PDSS2: variants seen among roughly 807,000 people sequenced by gnomAD.
The protein encoded by PDSS2 is decaprenyl diphosphate synthase subunit 2.
PDSS2 carries 31 observed loss-of-function variants against 44.5 expected under a neutral mutation model. That is an observed-to-expected ratio of 0.70 (90% CI 0.52 to 0.94). The LOEUF (loss-of-function observed/expected upper bound fraction) is 0.94, where lower values mean the gene tolerates loss of function less well. Ranked by LOEUF, PDSS2 falls within the 40% of genes least tolerant of loss-of-function variation. PDSS2 has a pLI of 0.00. For synonymous variants in PDSS2, 157 were observed against 180.3 expected (o/e 0.87, Z 1.03); for missense variants, 452 against 482.2 (o/e 0.94, Z 0.59).
chr6:107,251,676 T>C (rs1488053800), intron 3 of PDSS2, among the ~76,000 whole-genome samples: 1 of 152,230 alleles, frequency 6.6e-6, no homozygotes, highest in East Asian at 1.9e-4. Flanking sequence ...GGATTTAGTC[T>C]CTTTTGAAAG....
At chr6:107,287,274 C>T (rs1776186117) in intron 2 of PDSS2, among the ~76,000 whole-genome samples, 1 of 152,140 alleles carries the variant, frequency 6.6e-6, no homozygotes, top group South Asian at 2.1e-4. Context: ...CCAAGCTCTT[C>T]AGCTTGCCAC....
intron 1 of PDSS2, among the ~76,000 whole-genome samples, chr6:107,373,896 C>T (rs926586822): frequency 4.6e-5 from 7 of 152,140 alleles, no homozygotes; most frequent in Non-Finnish European, 1.0e-4. Context: ...CAGGGAAACA[C>T]CTCTTTTCTC....
chr6:107,164,184 T>C (rs944945539), intron 7 of PDSS2, among the ~76,000 whole-genome samples: 1 of 151,986 alleles, frequency 6.6e-6, no homozygotes, highest in Non-Finnish European at 1.5e-5. Flanking sequence ...TTTTTAATTA[T>C]ACTTTAAGTT....
chr6:107,350,869 C>A (rs1161444146), intron 1 of PDSS2, among the ~76,000 whole-genome samples: 2 of 151,690 alleles, frequency 1.3e-5, no homozygotes, highest in Non-Finnish European at 2.9e-5. Context: ...ATTATCTTTT[C>A]CCTGGGGGAA....
At position 107,274,128 on chromosome 6, in the gene PDSS2, T is replaced by G. The variant is rs982380541; in HGVS notation, c.531A>C (p.Pro177=). The G allele has an allele frequency of 2.5e-6, 4 of 1,613,608 alleles. No individual in the cohort carries two copies. In the Admixed American group the frequency reaches 5.0e-5, roughly 20 times the overall value. ...TATTTCCAAATTGCATGTCTTTCAGTGGACCATCAGATGATTGCAACTCAT... is the reference window on the plus strand; with the variant it reads ...TATTTCCAAATTGCATGTCTTTCAGGGGACCATCAGATGATTGCAACTCAT... ...NLNELQSSDG[P]LKDMQFGNKI... The change falls in exon 3 of 8, where the codon CCA becomes CCC. Residue 177 remains proline, a synonymous_variant. Transcript: ENST00000369037.
intron 1 of PDSS2, among the ~76,000 whole-genome samples, chr6:107,383,080 T>G (rs909264646): frequency 6.6e-6 from 1 of 151,496 alleles, no homozygotes; most frequent in Non-Finnish European, 1.5e-5. Flanking sequence ...GGCAGGCAGA[T>G]CATTTGAGGC....
intron 2 of PDSS2, among the ~76,000 whole-genome samples, chr6:107,321,492 T>C (rs1396283616): frequency 6.6e-6 from 1 of 152,220 alleles, no homozygotes; most frequent in Non-Finnish European, 1.5e-5. Flanking sequence ...TAGCTCTAAA[T>C]ACACCACGGC....
chr6:107,270,885 A>G (rs892004314), intron 3 of PDSS2, among the ~76,000 whole-genome samples: 3 of 152,342 alleles, frequency 2.0e-5, no homozygotes. Flanking sequence ...TGATTTACTT[A>G]CTTGAAATAC....
chr6:107,173,438 G>A (rs1771665137), intron 7 of PDSS2, among the ~76,000 whole-genome samples: 2 of 151,610 alleles, frequency 1.3e-5, no homozygotes, highest in South Asian at 4.2e-4. Flanking sequence ...GTTGGGCGTG[G>A]TGGTGCACAC....
intron 2 of PDSS2, among the ~76,000 whole-genome samples, chr6:107,276,468 G>A (rs1166407024): frequency 1.3e-5 from 2 of 152,174 alleles, no homozygotes; most frequent in African/African-American, 2.4e-5. Context: ...CCTGACTGAA[G>A]AGGGGCTGCA....
chr6:107,365,313 T>C (rs1778930788), intron 1 of PDSS2, among the ~76,000 whole-genome samples: 1 of 152,080 alleles, frequency 6.6e-6, no homozygotes, highest in Non-Finnish European at 1.5e-5. Flanking sequence ...CAGACTGTGA[T>C]AAATTAAGAT....
At chr6:107,367,710 C>T (rs192513300) in intron 1 of PDSS2, among the ~76,000 whole-genome samples, 628 of 147,316 alleles carry the variant, frequency 4.3e-3, no homozygotes, top group Non-Finnish European at 7.2e-3. Context: ...CGCTTGAACC[C>T]GGGAGGCGGA....
chr6:107,214,557 C>G (rs148095498), intron 4 of PDSS2, among the ~76,000 whole-genome samples: 6 of 152,056 alleles, frequency 3.9e-5, no homozygotes, highest in Non-Finnish European at 7.4e-5. Context: ...TTATTTGAAA[C>G]GTCAAACTAA....
chr6:107,272,125 C>T (rs1775623499), intron 3 of PDSS2, among the ~76,000 whole-genome samples: 1 of 151,336 alleles, frequency 6.6e-6, no homozygotes, highest in Admixed American at 6.6e-5. Context: ...GAACTCTCTC[C>T]ACTGTGTAAG....
At chr6:107,230,106 G>T in intron 4 of PDSS2, 1 of 159,976 alleles carries the variant, frequency 6.3e-6, no homozygotes, top group South Asian at 1.6e-4. Flanking sequence ...AAGTCAGTCA[G>T]GGAGACTGCA....
chr6:107,397,096 G>A (rs1401708257), intron 1 of PDSS2, among the ~76,000 whole-genome samples: 1 of 152,052 alleles, frequency 6.6e-6, no homozygotes, highest in Non-Finnish European at 1.5e-5. Context: ...TCTCAAGGGT[G>A]AAACTGTCAG....
At chr6:107,236,423 G>A (rs1774225875) in intron 4 of PDSS2, among the ~76,000 whole-genome samples, 1 of 150,732 alleles carries the variant, frequency 6.6e-6, no homozygotes, top group Non-Finnish European at 1.5e-5. Context: ...AGCTGAGATT[G>A]TGCCATTGGA....
At chr6:107,332,648 A>C (rs1254981062) in intron 2 of PDSS2, among the ~76,000 whole-genome samples, 1 of 151,938 alleles carries the variant, frequency 6.6e-6, no homozygotes, top group Non-Finnish European at 1.5e-5. Context: ...GTTTGGAGGG[A>C]ACATGAGAAC....
Position 107,458,961 on chromosome 6 carries a change from AGT to A in PDSS2, c.296+27_296+28del, listed in dbSNP as rs556229589. ...AAAAAAAAGTATTCCAATGAGTGCGAGTGTGTCAGCGGGAGAGGGGTAGCTCA... is the reference window on the plus strand; with the variant it reads ...AAAAAAAAGTATTCCAATGAGTGCGAGTGTCAGCGGGAGAGGGGTAGCTCA... On this transcript the variant is annotated intron_variant, in intron 1 of 7. Coordinates refer to ENST00000369037, the MANE Select transcript of PDSS2 (RefSeq NM_020381.4). 1.3e-3 allele frequency: 2,127 copies of A among 1,609,310 alleles called. 6 individuals are homozygous for A. Among genetic ancestry groups the A allele is most frequent in the Middle Eastern group, 3.0e-3 (18 of 6,058 alleles).
Sources: gnomAD v4.1 joint callset for allele counts (sites outside exome capture counted in the v4.1 genomes callset) on GRCh38, gnomAD v4.1.1 for gene constraint, MANE v1.5 for transcripts, NCBI Gene and HGNC (gene_info 2026-07-23, HGNC 2026-07-21) for gene names.